ZNF366: variants seen among roughly 807,000 people sequenced by gnomAD.
ZNF366 encodes the protein zinc finger protein 366.
In ZNF366, 20 loss-of-function variants were observed where a neutral mutation model predicts 47.2. That is an observed-to-expected ratio of 0.42 (90% CI 0.30 to 0.62). The LOEUF (loss-of-function observed/expected upper bound fraction) is 0.62. Ranked by LOEUF, ZNF366 falls within the 20% of genes least tolerant of loss-of-function variation. The probability of loss-of-function intolerance (pLI) is 0.16; values close to 1 mark genes in which losing one functional copy is unlikely to be tolerated. For missense variants in ZNF366, 987 were observed against 976.3 expected (o/e 1.01, Z -0.15); for synonymous variants, 421 against 395.1 (o/e 1.07, Z -0.78).
intron 1 of ZNF366, among the ~76,000 whole-genome samples, chr5:72,497,800 A>G (rs1235064904): frequency 6.6e-6 from 1 of 152,214 alleles, no homozygotes; most frequent in African/African-American, 2.4e-5. Flanking sequence ...TTTGCCGATC[A>G]AGTAAATAAA....
At chr5:72,489,158 T>G (rs1219388164) in intron 1 of ZNF366, among the ~76,000 whole-genome samples, 1 of 152,042 alleles carries the variant, frequency 6.6e-6, no homozygotes, top group Non-Finnish European at 1.5e-5. Context: ...GGTGGATCAC[T>G]TGAGCCCAGG....
At position 72,461,081 on chromosome 5, in the gene ZNF366, T is replaced by C. The variant is rs138804880; in HGVS notation, c.416A>G (p.Tyr139Cys). 3.7e-6 allele frequency: 6 copies of C among 1,613,908 alleles called. No homozygotes were observed. Among genetic ancestry groups the C allele is most frequent in the Non-Finnish European group, 4.2e-6 (5 of 1,179,990 alleles). ...IDLCNVGFQFYRSLEHFGGKP... is the reference protein window; with the variant it reads ...IDLCNVGFQFCRSLEHFGGKP... ...GCCCCCAAAGTGTTCCAGGCTGCGGTAGAATTGGAAGCCCACGTTGCACAG... is the reference window on the plus strand; with the variant it reads ...GCCCCCAAAGTGTTCCAGGCTGCGGCAGAATTGGAAGCCCACGTTGCACAG... The change falls in exon 2 of 5, where the codon TAC (tyrosine) becomes TGC (cysteine). Residue 139 changes from tyrosine (Y) to cysteine (C), a missense_variant. This residue lies in a region of ZNF366 where 591 missense variants were observed against 560.9 expected (regional missense o/e 1.05). Transcript: ENST00000318442.
At chr5:72,455,969 T>TG (rs1057496349) in intron 3 of ZNF366, among the ~76,000 whole-genome samples, 3 of 148,136 alleles carry the variant, frequency 2.0e-5, no homozygotes, top group African/African-American at 7.4e-5. Context: ...TGGCGGTGGG[T>TG]GGGGGGGAAG....
rs181282341 is a variant in ZNF366 at position 72,462,739 on chromosome 5, C to A, written c.-14-1229G>T. The stretch of plus-strand genomic sequence containing the variant: ...TTAATCTTTGTGTTTTTAGTAGAGA[C>A]GGGGTTTCACCATGTTGGCCAGGCT... On this transcript the variant is annotated intron_variant, in intron 1 of 4. Coordinates refer to ENST00000318442, the MANE Select transcript of ZNF366 (RefSeq NM_152625.3). 5.8e-3 allele frequency among the ~76,000 whole-genome samples: 884 copies of A among 151,976 alleles called. 4 individuals are homozygous for A. Among genetic ancestry groups the A allele is most frequent in the Middle Eastern group, 0.02 (6 of 294 alleles).
chr5:72,451,984 T>C (rs1379682688), intron 3 of ZNF366, among the ~76,000 whole-genome samples: 3 of 152,170 alleles, frequency 2.0e-5, no homozygotes, highest in South Asian at 2.1e-4. Flanking sequence ...CTGACAGCCA[T>C]GGAGAAGTCG....
At chr5:72,502,751 G>T (rs1016784741) in intron 1 of ZNF366, among the ~76,000 whole-genome samples, 1 of 152,186 alleles carries the variant, frequency 6.6e-6, no homozygotes, top group Non-Finnish European at 1.5e-5. Flanking sequence ...AATAGAAAAA[G>T]CTTAGTATCT....
chr5:72,451,633 G>A (rs1488189871), intron 3 of ZNF366, among the ~76,000 whole-genome samples: 2 of 152,138 alleles, frequency 1.3e-5, no homozygotes, highest in Admixed American at 6.5e-5. Flanking sequence ...TTCCAGAAAT[G>A]GAAAGCTCTT....
rs1742864754 is a variant in ZNF366 at position 72,442,086 on chromosome 5, A to G, written c.*1670T>C. The G allele has an allele frequency of 1.3e-5, 2 of 152,178 alleles. No homozygotes were observed. The highest frequency in any genetic ancestry group is 4.1e-4 in the South Asian group (2 of 4,826). The allele number at this position is 152,178 out of a possible 1,614,324, so 9.4% of individuals were successfully genotyped here. A position where few individuals can be genotyped will look rare whatever the true frequency, so the allele number is the denominator to read the frequency against. ...GTAAGTGACCATAAACATCACAGGC[A>G]TCATCTTCTAGTATAATGTAAAAAG... On this transcript the variant is annotated 3_prime_UTR_variant, in exon 5 of 5. Transcript: ENST00000318442.
In ZNF366 at chr5:72,441,970, TAG is replaced by T. The variant is rs1157467319; in HGVS notation, c.*1784_*1785del. On this transcript the variant is annotated 3_prime_UTR_variant, in exon 5 of 5. Transcript: ENST00000318442. The stretch of plus-strand genomic sequence containing the variant: ...GACCTGCTGGGCCCATCCCACCCAA[TAG>T]AGTCATTTCCACTCACTGGCATCAT... 2 of 152,162 alleles carry T rather than the reference TAG, an allele frequency of 1.3e-5. No homozygotes were observed. The highest frequency in any genetic ancestry group is 3.9e-4 in the East Asian group (2 of 5,184). The allele number at this position is 152,162 out of a possible 1,614,324, so 9.4% of individuals were successfully genotyped here. A position where few individuals can be genotyped will look rare whatever the true frequency, so the allele number is the denominator to read the frequency against.
At chr5:72,455,541 A>G (rs1743166649) in intron 3 of ZNF366, among the ~76,000 whole-genome samples, 4 of 152,188 alleles carry the variant, frequency 2.6e-5, no homozygotes, top group African/African-American at 4.8e-5. Context: ...CACTCGGATT[A>G]AACCCAGTCA....
intron 1 of ZNF366, among the ~76,000 whole-genome samples, chr5:72,489,685 G>T (rs924835828): frequency 1.3e-5 from 2 of 152,204 alleles, no homozygotes; most frequent in South Asian, 4.1e-4. Context: ...TTTGTTTTAA[G>T]ACCTTTAAAA....
In ZNF366 at chr5:72,460,292, A is replaced by T. The variant is rs778645945; in HGVS notation, c.1205T>A (p.Phe402Tyr). 1.2e-6 allele frequency: 2 copies of T among 1,614,022 alleles called. No individual in the cohort carries two copies. Among genetic ancestry groups the T allele is most frequent in the Non-Finnish European group, 1.7e-6 (2 of 1,179,974 alleles). ...QYNCSECDKTFQYPSQLQNHM... is the reference protein window; with the variant it reads ...QYNCSECDKTYQYPSQLQNHM... ...GTTCTGCAGCTGGCTCGGGTACTGGAAGGTCTTGTCGCACTCGGAGCAGTT... is the reference window on the plus strand; with the variant it reads ...GTTCTGCAGCTGGCTCGGGTACTGGTAGGTCTTGTCGCACTCGGAGCAGTT... The change falls in exon 2 of 5, where the codon TTC (phenylalanine) becomes TAC (tyrosine). Residue 402 changes from phenylalanine (F) to tyrosine (Y), a missense_variant. Phe to Tyr is a conservative substitution (Grantham distance 22, BLOSUM62 3). Transcript: ENST00000318442.
chr5:72,485,959 T>TC (rs1298640852), intron 1 of ZNF366, among the ~76,000 whole-genome samples: 1 of 152,178 alleles, frequency 6.6e-6, no homozygotes, highest in Non-Finnish European at 1.5e-5. Context: ...TTTGCTTCCT[T>TC]CAAGTTTTTA....
intron 1 of ZNF366, among the ~76,000 whole-genome samples, chr5:72,496,005 G>T (rs1414730780): frequency 6.6e-6 from 1 of 150,992 alleles, no homozygotes; most frequent in African/African-American, 2.4e-5. Context: ...AAAAATGATA[G>T]CACTCTGTAG....
At chr5:72,472,644 TA>T in intron 1 of ZNF366, 1 of 818,774 alleles carries the variant, frequency 1.2e-6, no homozygotes, top group Non-Finnish European at 1.5e-6. Context: ...TCATAGTAAT[TA>T]CAGAATTACA....
intron 1 of ZNF366, among the ~76,000 whole-genome samples, chr5:72,465,827 G>A (rs771551290): frequency 9.2e-5 from 14 of 152,212 alleles, no homozygotes; most frequent in Non-Finnish European, 1.6e-4. Flanking sequence ...TGAAAGTCTA[G>A]GTTTGAATGT....
intron 1 of ZNF366, among the ~76,000 whole-genome samples, chr5:72,494,063 A>C (rs962187194): frequency 6.6e-6 from 1 of 151,600 alleles, no homozygotes; most frequent in Non-Finnish European, 1.5e-5. Flanking sequence ...GAGCCCCTAC[A>C]CCCAGCCTTA....
chr5:72,444,819 C>G (rs1394787361), intron 4 of ZNF366, among the ~76,000 whole-genome samples: 1 of 152,024 alleles, frequency 6.6e-6, no homozygotes. Context: ...TAGTGCAGAC[C>G]TGATTTTATC....
chr5:72,506,492 G>C (rs940098421), intron 1 of ZNF366, among the ~76,000 whole-genome samples: 1 of 152,182 alleles, frequency 6.6e-6, no homozygotes, highest in Non-Finnish European at 1.5e-5. Flanking sequence ...AATTGCGTCT[G>C]TAACTTAGTT....
Sources: allele counts gnomAD v4.1 joint callset (sites outside exome capture counted in the v4.1 genomes callset), GRCh38; gene constraint gnomAD v4.1.1; regional missense constraint gnomAD v4.1.1; transcripts MANE v1.5; gene names NCBI Gene and HGNC (gene_info 2026-07-23, HGNC 2026-07-21).